GLG1: variants seen among roughly 807,000 people sequenced by gnomAD.
GLG1 encodes Golgi apparatus protein 1.
Under a neutral mutation model 160.5 loss-of-function variants are expected in GLG1, and 38 were observed. That is an observed-to-expected ratio of 0.24 (90% CI 0.18 to 0.31). GLG1 has a LOEUF of 0.31. Ranked by LOEUF, GLG1 falls within the 10% of genes least tolerant of loss-of-function variation. GLG1 has a pLI of 1.00. For synonymous variants in GLG1, 644 were observed against 543.4 expected, an observed-to-expected ratio of 1.19 and a Z score of -2.57; for missense variants, 1,373 against 1,505.2, an observed-to-expected ratio of 0.91 and a Z score of 1.45.
At chr16:74,594,199 G>A (rs956929575) in intron 1 of GLG1, among the ~76,000 whole-genome samples, 5 of 152,110 alleles carry the variant, frequency 3.3e-5, no homozygotes, top group Admixed American at 6.6e-5. Flanking sequence ...GAGCCACTGC[G>A]CCCAGCCTAT....
chr16:74,540,047 T>TTA lies in GLG1; in HGVS notation c.439-7896_439-7895dup, dbSNP rs375172509. 9.8e-3 allele frequency among the ~76,000 whole-genome samples: 40 copies of TTA among 4,074 alleles called. 15 individuals are homozygous for TTA. The highest frequency in any genetic ancestry group is 0.015 in the Non-Finnish European group (32 of 2,138). 2.7% of individuals were successfully genotyped at this position (4,074 alleles called of 152,430 possible). On this transcript the variant is annotated intron_variant, in intron 1 of 25. Coordinates refer to ENST00000422840, the MANE Select transcript of GLG1 (RefSeq NM_001145667.2). The stretch of plus-strand genomic sequence containing the variant: ...ATATTATATATATTTTATATATATA[T>TTA]TATATATATTTTATATATATATATT...
rs1445271941 is a variant in GLG1 at position 74,497,535 on chromosome 16, TCA to T, written c.775-893_775-892del. ...TCACTGCACGCTCCCACTCCCGGGT[TCA>T]CTCTATTCTCCTGCCTCAGTCTCCT... On this transcript the variant is annotated intron_variant, in intron 4 of 25. Coordinates refer to ENST00000422840, the MANE Select transcript of GLG1 (RefSeq NM_001145667.2). Among the ~76,000 whole-genome samples, 11 of 150,702 alleles carry T rather than the reference TCA, an allele frequency of 7.3e-5. No homozygotes were observed. In the East Asian group the frequency reaches 2.2e-3, roughly 30 times the overall value.
intron 1 of GLG1, among the ~76,000 whole-genome samples, chr16:74,583,214 C>T (rs1199624156): frequency 6.6e-6 from 1 of 152,104 alleles, no homozygotes; most frequent in Non-Finnish European, 1.5e-5. Flanking sequence ...ATTTTCATAG[C>T]CCCAACTATA....
chr16:74,495,321 T>A (rs924238150), intron 5 of GLG1, among the ~76,000 whole-genome samples: 2 of 151,974 alleles, frequency 1.3e-5, no homozygotes, highest in South Asian at 4.2e-4. Context: ...ACCATATTGG[T>A]CAGGCTGGTC....
intron 1 of GLG1, among the ~76,000 whole-genome samples, chr16:74,577,535 A>AG (rs2019040076): frequency 6.6e-6 from 1 of 151,778 alleles, no homozygotes. Flanking sequence ...AAAAAAAAAA[A>AG]AAAGAATCCC....
chr16:74,457,630 TG>T lies in GLG1; in HGVS notation c.3265+243del, dbSNP rs1567453976. Among the ~76,000 whole-genome samples the T allele has an allele frequency of 5.9e-5, 9 of 152,282 alleles. No individual in the cohort carries two copies. The South Asian group carries it at 1.9e-3, about 32-fold the overall frequency. On this transcript the variant is annotated intron_variant, in intron 24 of 25. Coordinates refer to ENST00000422840, the MANE Select transcript of GLG1 (RefSeq NM_001145667.2). ...CCCTAATAAATACCTCAATTCTCCC[TG>T]TTCATCAAATCTTTAGCTCCAGTCA... is the stretch of plus-strand genomic sequence containing the variant.
intron 11 of GLG1, among the ~76,000 whole-genome samples, chr16:74,479,380 T>C (rs941826849): frequency 7.3e-5 from 11 of 150,410 alleles, no homozygotes; most frequent in Non-Finnish European, 1.2e-4. Context: ...CTAGTCACTA[T>C]AGTGACCAGA....
At chr16:74,517,679 A>C (rs1012879924) in intron 2 of GLG1, among the ~76,000 whole-genome samples, 1 of 152,178 alleles carries the variant, frequency 6.6e-6, no homozygotes, top group Non-Finnish European at 1.5e-5. Flanking sequence ...TATTCAACAT[A>C]GTATTGGAAG....
intron 1 of GLG1, among the ~76,000 whole-genome samples, chr16:74,571,497 A>T (rs2018825654): frequency 6.6e-6 from 1 of 152,016 alleles, no homozygotes; most frequent in African/African-American, 2.4e-5. Flanking sequence ...ACATTCAGAG[A>T]CCTTGTCTTT....
At chr16:74,537,118 C>A (rs2017708039) in intron 1 of GLG1, among the ~76,000 whole-genome samples, 1 of 152,038 alleles carries the variant, frequency 6.6e-6, no homozygotes, top group Admixed American at 6.6e-5. Flanking sequence ...AGAAATGATT[C>A]CTGACATTGC....
At chr16:74,486,922 T>C (rs995692071) in intron 8 of GLG1, among the ~76,000 whole-genome samples, 2 of 137,312 alleles carry the variant, frequency 1.5e-5, no homozygotes, top group Admixed American at 7.2e-5. Flanking sequence ...ATCTTTTTTT[T>C]TTCCCCCCCG....
intron 1 of GLG1, among the ~76,000 whole-genome samples, chr16:74,565,882 G>A (rs1311816382): frequency 6.6e-6 from 1 of 152,230 alleles, no homozygotes; most frequent in African/African-American, 2.4e-5. Flanking sequence ...GCTTAAAGCA[G>A]TGTTTTCTAA....
In GLG1 at chr16:74,452,340, T is replaced by A; in HGVS notation, c.*827A>T. ...AGGAGGAAGGTTCCTGGGATCCTGC[T>A]GCCCCGGGACTCAGGATCCAGCCTC... On this transcript the variant is annotated 3_prime_UTR_variant, in exon 26 of 26. Transcript: ENST00000422840. 1.4e-6 allele frequency: 2 copies of A among 1,383,454 alleles called. No individual in the cohort carries two copies. The highest frequency in any genetic ancestry group is 1.9e-6 in the Non-Finnish European group (2 of 1,066,718). The allele number at this position is 1,383,454 out of a possible 1,614,324, so 85.7% of individuals were successfully genotyped here. A position where few individuals can be genotyped will look rare whatever the true frequency, so the allele number is the denominator to read the frequency against.
chr16:74,506,006 G>A (rs12598701), intron 3 of GLG1, among the ~76,000 whole-genome samples: 95,491 of 140,418 alleles, frequency 0.68, 32,290 homozygotes, highest in East Asian at 0.82. Flanking sequence ...CTTCAGCCCC[G>A]GTGACAATGA....
At chr16:74,553,767 C>G (rs990607099) in intron 1 of GLG1, among the ~76,000 whole-genome samples, 3 of 152,164 alleles carry the variant, frequency 2.0e-5, no homozygotes, top group Admixed American at 1.3e-4. Context: ...GCCACCGTGC[C>G]AGGCCATGGA....
At chr16:74,569,541 A>T (rs2018761545) in intron 1 of GLG1, among the ~76,000 whole-genome samples, 1 of 152,084 alleles carries the variant, frequency 6.6e-6, no homozygotes, top group Non-Finnish European at 1.5e-5. Context: ...CATTATTTCT[A>T]GTTCTCATAT....
In GLG1 at chr16:74,453,011, T is replaced by A; in HGVS notation, c.*156A>T. On this transcript the variant is annotated 3_prime_UTR_variant, in exon 26 of 26. Transcript: ENST00000422840. ...AGGAGGAGGACACCATGGACACGAG[T>A]GGAGGCTGGATGGGACAACGCAGTG... 7.3e-7 allele frequency: 1 copy of A among 1,366,838 alleles called. No individual in the cohort carries two copies. The highest frequency in any genetic ancestry group is 9.5e-7 in the Non-Finnish European group (1 of 1,057,914). The allele number at this position is 1,366,838 out of a possible 1,614,324, so 84.7% of individuals were successfully genotyped here.
chr16:74,501,510 A>G (rs2016402605), intron 4 of GLG1, among the ~76,000 whole-genome samples: 1 of 152,202 alleles, frequency 6.6e-6, no homozygotes, highest in Non-Finnish European at 1.5e-5. Flanking sequence ...CAATCGTTTC[A>G]GTCACTACAG....
At position 74,516,611 on chromosome 16, in the gene GLG1, C is replaced by T. The variant is rs535495554; in HGVS notation, c.472-7686G>A. On this transcript the variant is annotated intron_variant, in intron 2 of 25. Coordinates refer to ENST00000422840, the MANE Select transcript of GLG1 (RefSeq NM_001145667.2). ...GCCCACAAGAGAAAGCAGGAAAGAT[C>T]TAAAATTGACACCCTAACATCATAA... Among the ~76,000 whole-genome samples the T allele has an allele frequency of 5.3e-5, 8 of 152,254 alleles. No individual in the cohort carries two copies. In the South Asian group the frequency reaches 1.7e-3, roughly 32 times the overall value.
Sources: allele counts gnomAD v4.1 joint callset (sites outside exome capture counted in the v4.1 genomes callset), GRCh38; gene constraint gnomAD v4.1.1; transcripts MANE v1.5; gene names NCBI Gene and HGNC (gene_info 2026-07-23, HGNC 2026-07-21).